Variants in SGCD observed in about 807,000 individuals in gnomAD.
SGCD encodes delta-sarcoglycan.
A neutral mutation model predicts 36.6 loss-of-function variants in SGCD; 18 were observed. The ratio of observed to expected loss-of-function variants is 0.49; its 90% CI spans 0.34 to 0.73. The LOEUF (loss-of-function observed/expected upper bound fraction) is 0.73. SGCD is among the 30% of genes least tolerant of loss of function. The pLI is 0.01. For synonymous variants in SGCD, 133 were observed against 130.6 expected (o/e 1.02, Z -0.12); for missense variants, 387 against 346.7 (o/e 1.12, Z -0.92).
intron 3 of SGCD, among the ~76,000 whole-genome samples, chr5:156,496,775 T>A (rs1378320254): frequency 6.6e-6 from 1 of 152,154 alleles, no homozygotes; most frequent in Admixed American, 6.6e-5. Flanking sequence ...GTCCTACACA[T>A]GCCCAAAGAA....
chr5:155,889,671 G>A (rs907040115), intron 1 of SGCD, among the ~76,000 whole-genome samples: 1 of 152,214 alleles, frequency 6.6e-6, no homozygotes, highest in Non-Finnish European at 1.5e-5. Context: ...GAGAAAGAAT[G>A]ATTGGAAAGG....
At chr5:156,269,600 T>A (rs1171202573) in intron 3 of SGCD, among the ~76,000 whole-genome samples, 1 of 144,202 alleles carries the variant, frequency 6.9e-6, no homozygotes, top group Non-Finnish European at 1.5e-5. Context: ...ACTGGGTCCC[T>A]CCCACAACAT....
chr5:156,316,816 T>C (rs1278245189), intron 3 of SGCD, among the ~76,000 whole-genome samples: 5 of 152,036 alleles, frequency 3.3e-5, no homozygotes, highest in Non-Finnish European at 7.4e-5. Context: ...GAGTACATTG[T>C]CAAAGGGCTG....
chr5:156,238,405 A>G (rs1446770561), intron 3 of SGCD, among the ~76,000 whole-genome samples: 1 of 152,148 alleles, frequency 6.6e-6, no homozygotes, highest in Admixed American at 6.5e-5. Context: ...TCGGCTGTTC[A>G]TAGCTCACAG....
chr5:156,671,989 T>G (rs1386659849), intron 7 of SGCD, among the ~76,000 whole-genome samples: 1 of 151,824 alleles, frequency 6.6e-6, no homozygotes, highest in Admixed American at 6.6e-5. Context: ...CACAGTAGAG[T>G]TTATTTATTA....
At chr5:156,186,522 T>C (rs1168163893) in intron 3 of SGCD, among the ~76,000 whole-genome samples, 1 of 152,190 alleles carries the variant, frequency 6.6e-6, no homozygotes, top group East Asian at 1.9e-4. Flanking sequence ...CCTAAGACTT[T>C]ATCTGGTTTT....
At chr5:155,987,069 T>G (rs539566577) in intron 1 of SGCD, among the ~76,000 whole-genome samples, 1 of 152,236 alleles carries the variant, frequency 6.6e-6, no homozygotes, top group East Asian at 1.9e-4. Context: ...TCCTTTGCAC[T>G]GATGTCATAG....
At position 156,586,483 on chromosome 5, in the gene SGCD, C is replaced by T. The variant is rs566720632; in HGVS notation, c.295-2748C>T. 5.1e-4 allele frequency among the ~76,000 whole-genome samples: 77 copies of T among 152,268 alleles called. 1 individual carries two copies. Among genetic ancestry groups the T allele is most frequent in the African/African-American group, 1.8e-3 (74 of 41,558 alleles). On this transcript the variant is annotated intron_variant, in intron 4 of 8. Coordinates refer to ENST00000337851, the MANE Select transcript of SGCD (RefSeq NM_000337.6). ...TACGGTGCTCTTTGAAATGAAGATA[C>T]TAGGCACAGATCACCATTAAGGAGT...
At chr5:156,327,125 G>T (rs142484129), upstream of SGCD, 3 of 152,314 alleles carry the variant, frequency 2.0e-5, no homozygotes, top group African/African-American at 7.2e-5. Flanking sequence ...CGCAGGCTGG[G>T]CCTGCACACA....
the SGCD span, among the ~76,000 whole-genome samples, chr5:155,748,716 A>G: frequency 4.6e-5 from 7 of 152,198 alleles, no homozygotes; most frequent in Non-Finnish European, 7.3e-5. Flanking sequence ...ACTGAAAGTC[A>G]TTGTCCATCA....
chr5:156,461,745 G>A (rs1754498139), intron 3 of SGCD, among the ~76,000 whole-genome samples: 1 of 151,930 alleles, frequency 6.6e-6, no homozygotes, highest in Admixed American at 6.6e-5. Context: ...TAAGCCTTTA[G>A]GTTCTACTTA....
the SGCD span, among the ~76,000 whole-genome samples, chr5:155,764,651 G>C: frequency 7.9e-5 from 12 of 152,212 alleles, no homozygotes; most frequent in East Asian, 2.1e-3. Flanking sequence ...GTGGCCAGAG[G>C]GGGTCACAAG....
intron 1 of SGCD, among the ~76,000 whole-genome samples, chr5:155,932,446 A>G (rs2113393619): frequency 6.6e-6 from 1 of 152,300 alleles, no homozygotes; most frequent in African/African-American, 2.4e-5. Flanking sequence ...TCATATCAAT[A>G]GAGGTAATCA....
At chr5:156,702,877 A>C (rs1221153128) in intron 7 of SGCD, among the ~76,000 whole-genome samples, 2 of 152,152 alleles carry the variant, frequency 1.3e-5, no homozygotes, top group African/African-American at 4.8e-5. Flanking sequence ...CTCCAGAGCA[A>C]AGTGCAGCCA....
intron 7 of SGCD, among the ~76,000 whole-genome samples, chr5:156,699,531 T>C (rs1310279517): frequency 1.3e-5 from 2 of 152,258 alleles, no homozygotes; most frequent in Admixed American, 6.5e-5. Context: ...AAGGTGATAA[T>C]TGGAATCTCT....
intron 7 of SGCD, among the ~76,000 whole-genome samples, chr5:156,676,132 T>TA (rs1263439110): frequency 6.6e-6 from 1 of 152,234 alleles, no homozygotes; most frequent in Non-Finnish European, 1.5e-5. Flanking sequence ...TATTCTTCAA[T>TA]ACGTTCATAC....
At chr5:156,212,628 T>G (rs147720588) in intron 3 of SGCD, among the ~76,000 whole-genome samples, 127 of 152,076 alleles carry the variant, frequency 8.4e-4, no homozygotes, top group Middle Eastern at 6.8e-3. Context: ...AGATATAAAC[T>G]AAACTTTAGA....
chr5:155,761,980 T>G, the SGCD span, among the ~76,000 whole-genome samples: 1 of 152,242 alleles, frequency 6.6e-6, no homozygotes, highest in Non-Finnish European at 1.5e-5. Flanking sequence ...CATGCTATTC[T>G]GTAAGGTAAG....
intron 1 of SGCD, among the ~76,000 whole-genome samples, chr5:156,062,285 G>C (rs1760235836): frequency 2.8e-5 from 1 of 35,394 alleles, no homozygotes; most frequent in Non-Finnish European, 4.4e-5. Flanking sequence ...TGGCTGCATA[G>C]TATTCCATGG....
Sources: allele counts gnomAD v4.1 joint callset (sites outside exome capture counted in the v4.1 genomes callset), GRCh38; gene constraint gnomAD v4.1.1; transcripts MANE v1.5; gene names NCBI Gene and HGNC (gene_info 2026-07-23, HGNC 2026-07-21).